Variants in EPHB1 observed in about 807,000 individuals in gnomAD.
The protein encoded by EPHB1 is ephrin type-B receptor 1.
EPHB1 carries 30 observed loss-of-function variants against 94.4 expected under a neutral mutation model. That is an observed-to-expected ratio of 0.32 (90% CI 0.24 to 0.43). EPHB1 has a LOEUF of 0.43. Ranked by LOEUF, EPHB1 falls within the 20% of genes least tolerant of loss-of-function variation. The probability of loss-of-function intolerance (pLI) is 1.00; values close to 1 mark genes in which losing one functional copy is unlikely to be tolerated. For synonymous variants in EPHB1, 522 were observed against 489.1 expected (o/e 1.07, Z -0.89); for missense variants, 1,055 against 1,308.3 (o/e 0.81, Z 2.99).
chr3:135,189,922 C>T (rs1238740712), intron 10 of EPHB1, among the ~76,000 whole-genome samples: 7 of 152,218 alleles, frequency 4.6e-5, no homozygotes, highest in African/African-American at 9.6e-5. Context: ...CTTTTGTTCT[C>T]ACATGGATAT....
chr3:134,984,686 G>C (rs2107735021), intron 3 of EPHB1, among the ~76,000 whole-genome samples: 1 of 152,264 alleles, frequency 6.6e-6, no homozygotes, highest in South Asian at 2.1e-4. Context: ...AAGGAGGTCA[G>C]AGCTCCCAGC....
At chr3:135,249,095 CCTGT>C (rs1195413263) in intron 14 of EPHB1, among the ~76,000 whole-genome samples, 2 of 152,202 alleles carry the variant, frequency 1.3e-5, no homozygotes, top group Non-Finnish European at 2.9e-5. Context: ...GCTATGTCAA[CCTGT>C]CTGTCTGGGT....
At chr3:135,117,549 A>G (rs1203283753) in intron 4 of EPHB1, among the ~76,000 whole-genome samples, 1 of 152,180 alleles carries the variant, frequency 6.6e-6, no homozygotes, top group African/African-American at 2.4e-5. Context: ...CCACCCCATT[A>G]AATAAAAAGT....
intron 3 of EPHB1, among the ~76,000 whole-genome samples, chr3:135,039,502 G>A (rs928545565): frequency 6.6e-6 from 1 of 152,236 alleles, no homozygotes; most frequent in Non-Finnish European, 1.5e-5. Context: ...GGGGAGGCTC[G>A]GGCTGCACAG....
intron 1 of EPHB1, among the ~76,000 whole-genome samples, chr3:134,875,538 T>C (rs1482132770): frequency 2.6e-5 from 4 of 152,148 alleles, no homozygotes. Context: ...GTAGAACTGT[T>C]CTGCCCCAAG....
intron 1 of EPHB1, among the ~76,000 whole-genome samples, chr3:134,833,756 G>A (rs1203813038): frequency 6.6e-6 from 1 of 152,196 alleles, no homozygotes; most frequent in Non-Finnish European, 1.5e-5. Flanking sequence ...GAGCAGGGAT[G>A]AAGGATAAAG....
chr3:134,856,574 G>A (rs1487179387), intron 1 of EPHB1, among the ~76,000 whole-genome samples: 1 of 152,190 alleles, frequency 6.6e-6, no homozygotes, highest in Admixed American at 6.5e-5. Flanking sequence ...TCAAACTGTA[G>A]AACTGTTTTA....
intron 1 of EPHB1, among the ~76,000 whole-genome samples, chr3:134,912,011 G>T (rs932780914): frequency 6.6e-6 from 1 of 152,228 alleles, no homozygotes; most frequent in Non-Finnish European, 1.5e-5. Flanking sequence ...GCCCAGGAGG[G>T]CCTGGCAGGG....
chr3:135,147,367 T>C (rs1175898249), intron 5 of EPHB1, among the ~76,000 whole-genome samples: 1 of 152,190 alleles, frequency 6.6e-6, no homozygotes. Context: ...AATGCAAACA[T>C]ATGTCCACAC....
At chr3:134,985,402 C>T (rs1160855843) in intron 3 of EPHB1, among the ~76,000 whole-genome samples, 1 of 152,198 alleles carries the variant, frequency 6.6e-6, no homozygotes, top group African/African-American at 2.4e-5. Flanking sequence ...GAGTGATCTG[C>T]CCACCTCAGC....
At chr3:134,825,288 C>G (rs1039303164) in intron 1 of EPHB1, among the ~76,000 whole-genome samples, 1 of 152,184 alleles carries the variant, frequency 6.6e-6, no homozygotes, top group Non-Finnish European at 1.5e-5. Flanking sequence ...GGCAGTTGGT[C>G]TTCAGTTTGG....
chr3:135,013,600 A>C (rs1475005992), intron 3 of EPHB1, among the ~76,000 whole-genome samples: 1 of 152,248 alleles, frequency 6.6e-6, no homozygotes, highest in Admixed American at 6.5e-5. Context: ...TAGGAAAGGC[A>C]ACCACTTTCA....
At chr3:135,244,566 G>A (rs1943875838) in intron 13 of EPHB1, among the ~76,000 whole-genome samples, 2 of 152,082 alleles carry the variant, frequency 1.3e-5, no homozygotes, top group African/African-American at 2.4e-5. Flanking sequence ...TTCAAACCTG[G>A]TCATTGTCAT....
chr3:134,854,935 T>G (rs1251963022), intron 1 of EPHB1, among the ~76,000 whole-genome samples: 1 of 152,176 alleles, frequency 6.6e-6, no homozygotes, highest in African/African-American at 2.4e-5. Flanking sequence ...AAGTGAATTA[T>G]AATCCCCTGC....
chr3:135,233,463 A>G (rs1028761594), intron 12 of EPHB1, among the ~76,000 whole-genome samples: 5 of 152,228 alleles, frequency 3.3e-5, no homozygotes, highest in Admixed American at 2.0e-4. Context: ...CTGCCTCTGA[A>G]GCTTTGCAGG....
chr3:134,796,399 T>TG (rs1234310649), intron 1 of EPHB1: 1 of 152,086 alleles, frequency 6.6e-6, no homozygotes, highest in African/African-American at 2.4e-5. Flanking sequence ...CTGGGGTGAG[T>TG]GGTCGGTCCT....
intron 3 of EPHB1, among the ~76,000 whole-genome samples, chr3:135,105,183 A>C (rs1306302250): frequency 6.6e-6 from 1 of 152,258 alleles, no homozygotes; most frequent in Non-Finnish European, 1.5e-5. Context: ...TTAGCTTTCT[A>C]TAAGTAGAAA....
intron 3 of EPHB1, among the ~76,000 whole-genome samples, chr3:135,052,909 ATGTGTGTGTG>A (rs745760849): frequency 1.0e-4 from 7 of 68,852 alleles, no homozygotes; most frequent in Non-Finnish European, 1.6e-4. Context: ...ATATATATAT[ATGTGTGTGTG>A]TGTGTGTGTG....
intron 15 of EPHB1, among the ~76,000 whole-genome samples, chr3:135,252,157 A>AT (rs1042103822): frequency 6.7e-6 from 1 of 149,672 alleles, no homozygotes; most frequent in African/African-American, 2.5e-5. Context: ...TTACTGTTAA[A>AT]TTTTTTTTTC....
Sources: gnomAD v4.1 joint callset for allele counts (sites outside exome capture counted in the v4.1 genomes callset) on GRCh38, gnomAD v4.1.1 for gene constraint, MANE v1.5 for transcripts, NCBI Gene and HGNC (gene_info 2026-07-23, HGNC 2026-07-21) for gene names.